DROSHA: variants seen among roughly 807,000 people sequenced by gnomAD.
DROSHA encodes the protein drosha ribonuclease III.
A neutral mutation model predicts 181.9 loss-of-function variants in DROSHA; 56 were observed. That is an observed-to-expected ratio of 0.31 (90% CI 0.25 to 0.38). The LOEUF (loss-of-function observed/expected upper bound fraction) is 0.38. Ranked by LOEUF, DROSHA falls within the 10% of genes least tolerant of loss-of-function variation. DROSHA has a pLI of 1.00. For synonymous variants in DROSHA, 524 were observed against 591.2 expected, an observed-to-expected ratio of 0.89 and a Z score of 1.65; for missense variants, 1,218 against 1,743.5, an observed-to-expected ratio of 0.70 and a Z score of 5.37.
chr5:31,454,585 T>C (rs1271279584), intron 20 of DROSHA, among the ~76,000 whole-genome samples: 1 of 151,870 alleles, frequency 6.6e-6, no homozygotes, highest in Non-Finnish European at 1.5e-5. Context: ...AGAATCACGA[T>C]CAAATCCCAT....
rs1740542513 is a variant in DROSHA, at chr5:31,526,236, G to A, written c.697C>T (p.His233Tyr). The A allele has an allele frequency of 1.9e-6, 3 of 1,613,828 alleles. No individual in the cohort carries two copies. Among genetic ancestry groups the A allele is most frequent in the South Asian group, 2.2e-5 (2 of 91,072 alleles). Residue 233 changes from histidine to tyrosine, a missense_variant, in exon 5 of 36, where the codon CAC becomes TAC. By Grantham distance (83) the His-to-Tyr change is moderately conservative. Around this residue, in one of 8 missense-constraint regions of DROSHA, gnomAD observed 536 missense variants for 535.4 expected, o/e 1.00. Coordinates refer to ENST00000344624, the MANE Select transcript of DROSHA (RefSeq NM_001382508.1). ...CCTCGCCCATGACTGTGATCTCGGT[G>A]CCTGTGGTCATCATAGTGTTTCAGC... The part of the protein sequence containing the change: ...ERLKHYDDHR[H>Y]RDHSHGRGER...
intron 9 of DROSHA, 106 bp downstream of exon 9, chr5:31,510,929 G>A: frequency 2.2e-6 from 3 of 1,389,252 alleles, no homozygotes; most frequent in Non-Finnish European, 2.9e-6. Flanking sequence ...AAAATAAAAT[G>A]AAAAAGAAGA....
Position 31,486,684 on chromosome 5 carries a change from C to T in DROSHA, c.1843-122G>A, listed in dbSNP as rs74372601. 5.2e-3 allele frequency: 3,694 copies of T among 712,242 alleles called. 87 individuals are homozygous for T. The African/African-American group carries it at 0.057, about 11-fold the overall frequency. 44.1% of individuals were successfully genotyped at this position (712,242 alleles called of 1,614,324 possible). On this transcript the variant is annotated intron_variant, in intron 13 of 35. Transcript: ENST00000344624. ...TGAGAAGGCTTCACCTTCATCTCAG[C>T]GGCTAACAACACTGCACATGAAGCT...
At chr5:31,432,681 G>A (rs1358494103) in intron 25 of DROSHA, among the ~76,000 whole-genome samples, 2 of 152,072 alleles carry the variant, frequency 1.3e-5, no homozygotes, top group Non-Finnish European at 2.9e-5. Context: ...TTCTGATTTG[G>A]CCTCAGAAGA....
chr5:31,471,569 G>A (rs10068052), intron 17 of DROSHA, among the ~76,000 whole-genome samples: 77,988 of 151,674 alleles, frequency 0.51, 22,276 homozygotes, highest in Non-Finnish European at 0.65. Context: ...TAATTATGGC[G>A]GAGGATCAAT....
intron 30 of DROSHA, among the ~76,000 whole-genome samples, chr5:31,420,139 A>T (rs1464079847): frequency 6.6e-6 from 1 of 152,212 alleles, no homozygotes; most frequent in Non-Finnish European, 1.5e-5. Flanking sequence ...GTCTCACATA[A>T]ACTATTTCCA....
intron 22 of DROSHA, 110 bp downstream of exon 22, chr5:31,449,171 T>C (rs921840243): frequency 2.2e-6 from 3 of 1,385,488 alleles, no homozygotes; most frequent in Non-Finnish European, 1.9e-6. Context: ...CACTAGAATA[T>C]GAGACGGTGA....
chr5:31,490,341 C>T (rs1752264520), intron 13 of DROSHA, among the ~76,000 whole-genome samples: 1 of 151,926 alleles, frequency 6.6e-6, no homozygotes, highest in Admixed American at 6.6e-5. Flanking sequence ...ATTACCACAC[C>T]CAGCTAATAT....
chr5:31,525,608 T>C (rs776777434), intron 5 of DROSHA, among the ~76,000 whole-genome samples: 7 of 151,456 alleles, frequency 4.6e-5, no homozygotes, highest in Non-Finnish European at 1.0e-4. Flanking sequence ...AAGGCAACAA[T>C]GTACAATAAA....
At chr5:31,458,656 T>G (rs186429714) in intron 20 of DROSHA, among the ~76,000 whole-genome samples, 19 of 152,338 alleles carry the variant, frequency 1.2e-4, no homozygotes, top group African/African-American at 4.3e-4. Flanking sequence ...CACTCTATGA[T>G]GATGGAAATA....
At chr5:31,402,058 AG>A (rs1740069543) in intron 35 of DROSHA, among the ~76,000 whole-genome samples, 1 of 152,220 alleles carries the variant, frequency 6.6e-6, no homozygotes, top group African/African-American at 2.4e-5. Flanking sequence ...GTGGACAAAA[AG>A]GGGCCACGTT....
intron 20 of DROSHA, 197 bp downstream of exon 20, chr5:31,464,039 A>T: frequency 1.7e-6 from 1 of 589,036 alleles, no homozygotes; most frequent in South Asian, 2.1e-5. Context: ...CAAATACAAC[A>T]TACACACACA....
intron 4 of DROSHA, 77 bp from the exon 5 acceptor site, chr5:31,526,989 C>T (rs1440885013): frequency 7.4e-7 from 1 of 1,357,770 alleles, no homozygotes; most frequent in African/African-American, 1.5e-5. Context: ...TTCATAAATG[C>T]CTGACCATCT....
chr5:31,511,223 C>A, intron 8 of DROSHA, 47 bp from the exon 9 acceptor site: 1 of 1,551,474 alleles, frequency 6.4e-7, no homozygotes. Flanking sequence ...CAATAACGAT[C>A]ATATCAAAGA....
At chr5:31,433,444 T>C (rs1744416361) in intron 25 of DROSHA, among the ~76,000 whole-genome samples, 1 of 152,248 alleles carries the variant, frequency 6.6e-6, no homozygotes, top group Admixed American at 6.5e-5. Context: ...TATTTTATCT[T>C]ATAAACATCT....
chr5:31,452,797 C>T (rs961269229), intron 20 of DROSHA, among the ~76,000 whole-genome samples: 4 of 152,290 alleles, frequency 2.6e-5, no homozygotes, highest in South Asian at 2.1e-4. Context: ...AGCACCTCCA[C>T]GTGTAAGGCC....
At chr5:31,446,204 T>G (rs565021893) in intron 23 of DROSHA, among the ~76,000 whole-genome samples, 45 of 152,082 alleles carry the variant, frequency 3.0e-4, no homozygotes, top group African/African-American at 1.1e-3. Flanking sequence ...CCCAGCACTT[T>G]GGGAGGCCAA....
chr5:31,414,997 A>G (rs532900424), intron 30 of DROSHA, among the ~76,000 whole-genome samples: 37 of 152,352 alleles, frequency 2.4e-4, no homozygotes, highest in South Asian at 1.4e-3. Context: ...TCAGAGACCA[A>G]TGTAAATATC....
chr5:31,490,024 C>A (rs143244269), intron 13 of DROSHA, among the ~76,000 whole-genome samples: 1 of 151,720 alleles, frequency 6.6e-6, no homozygotes, highest in African/African-American at 2.4e-5. Context: ...TACAGGTGCC[C>A]GCCACCACAC....
Sources: allele counts gnomAD v4.1 joint callset (sites outside exome capture counted in the v4.1 genomes callset), GRCh38; gene constraint gnomAD v4.1.1; regional missense constraint gnomAD v4.1.1; transcripts MANE v1.5; gene names NCBI Gene and HGNC (gene_info 2026-07-23, HGNC 2026-07-21).